SMCO4: variants seen among roughly 807,000 people sequenced by gnomAD.
SMCO4 encodes single-pass membrane protein with coiled-coil domains 4, also known as single-pass membrane and coiled-coil domain-containing protein 4.
In SMCO4, 4 loss-of-function variants were observed where a neutral mutation model predicts 3.6. That is an observed-to-expected ratio of 1.11 (90% CI 0.54 to 2.53). The LOEUF (loss-of-function observed/expected upper bound fraction) is 2.53. Among genes scored for constraint, SMCO4 ranks in the 30% most tolerant of loss-of-function variants. The pLI is 0.02. For synonymous variants in SMCO4, 36 were observed against 35.3 expected, an observed-to-expected ratio of 1.02 and a Z score of -0.07; for missense variants, 70 against 80.8, an observed-to-expected ratio of 0.87 and a Z score of 0.51.
In SMCO4 at chr11:93,479,080, G is replaced by A. The variant is rs764757111; in HGVS notation, c.110C>T (p.Thr37Met). ...GATCAAGAGCACGACCACGGCCAGC[G>A]TGGGCAGCACCACTGTAGTGATCTG... Reference protein sequence around the residue: ...RQQITTVVLPTLAVVVLLIVV... With the variant: ...RQQITTVVLPMLAVVVLLIVV... Residue 37 changes from threonine to methionine, a missense_variant, in exon 3 of 3, where the codon ACG (threonine) becomes ATG (methionine). Coordinates refer to ENST00000298966, the MANE Select transcript of SMCO4 (RefSeq NM_020179.3). The A allele has an allele frequency of 8.7e-6, 14 of 1,614,018 alleles. No individual in the cohort carries two copies. The highest frequency in any genetic ancestry group is 3.3e-5 in the South Asian group (3 of 91,088).
chr11:93,525,535 C>A (rs985167511), intron 1 of SMCO4, among the ~76,000 whole-genome samples: 2 of 152,110 alleles, frequency 1.3e-5, no homozygotes, highest in Non-Finnish European at 2.9e-5. Context: ...CCACTCCCCC[C>A]ATTCCTAAAG....
intron 1 of SMCO4, among the ~76,000 whole-genome samples, chr11:93,511,913 T>G (rs540792356): frequency 6.4e-4 from 97 of 152,332 alleles, no homozygotes; most frequent in African/African-American, 2.1e-3. Flanking sequence ...TTTGTAAACA[T>G]GACCACCCTC....
intron 2 of SMCO4, among the ~76,000 whole-genome samples, chr11:93,495,637 T>C (rs1390532875): frequency 6.6e-6 from 1 of 152,178 alleles, no homozygotes; most frequent in Non-Finnish European, 1.5e-5. Context: ...TGAGCTAAAA[T>C]GCTGTTGCAC....
chr11:93,507,710 G>A (rs1325164463), intron 1 of SMCO4, among the ~76,000 whole-genome samples: 3 of 152,050 alleles, frequency 2.0e-5, no homozygotes, highest in Non-Finnish European at 2.9e-5. Flanking sequence ...TTTACACCTG[G>A]GTCAAGTTCT....
At chr11:93,534,516 C>G (rs1391663798) in intron 1 of SMCO4, among the ~76,000 whole-genome samples, 1 of 152,096 alleles carries the variant, frequency 6.6e-6, no homozygotes, top group Non-Finnish European at 1.5e-5. Flanking sequence ...CACAACAACC[C>G]TGTGAGGCAG....
intron 2 of SMCO4, among the ~76,000 whole-genome samples, chr11:93,492,801 C>T (rs1322257307): frequency 6.6e-6 from 1 of 152,182 alleles, no homozygotes; most frequent in African/African-American, 2.4e-5. Context: ...CTGAGACGGC[C>T]GGTCCAAAAG....
At chr11:93,524,152 C>A (rs577893947) in intron 1 of SMCO4, among the ~76,000 whole-genome samples, 1 of 152,248 alleles carries the variant, frequency 6.6e-6, no homozygotes, top group African/African-American at 2.4e-5. Context: ...GGTGATCTCA[C>A]ATACACTATC....
chr11:93,542,987 C>G (rs1158715509), intron 1 of SMCO4, among the ~76,000 whole-genome samples: 1 of 151,892 alleles, frequency 6.6e-6, no homozygotes, highest in Non-Finnish European at 1.5e-5. Flanking sequence ...TCCGCCCCAA[C>G]TTTTCCCAGC....
intron 1 of SMCO4, among the ~76,000 whole-genome samples, chr11:93,509,007 C>A (rs185365360): frequency 6.6e-6 from 1 of 152,022 alleles, no homozygotes; most frequent in Non-Finnish European, 1.5e-5. Flanking sequence ...AAATTGCTCA[C>A]GGCCAGGTGC....
intron 2 of SMCO4, among the ~76,000 whole-genome samples, chr11:93,486,420 G>C (rs761556047): frequency 2.6e-5 from 4 of 152,214 alleles, no homozygotes; most frequent in Non-Finnish European, 5.9e-5. Context: ...TGAGGACACA[G>C]GGAAGGTTGT....
At chr11:93,508,394 A>C (rs1250789914) in intron 1 of SMCO4, among the ~76,000 whole-genome samples, 7 of 152,228 alleles carry the variant, frequency 4.6e-5, no homozygotes, top group Admixed American at 4.6e-4. Context: ...TCTGAAAACA[A>C]GTAAGTATGA....
chr11:93,485,302 T>G (rs148270073), intron 2 of SMCO4, among the ~76,000 whole-genome samples: 11 of 152,284 alleles, frequency 7.2e-5, no homozygotes, highest in Non-Finnish European at 1.0e-4. Context: ...CCCAGCCCCA[T>G]TCATTCTTTC....
At chr11:93,497,430 A>G (rs1948787493) in intron 2 of SMCO4, among the ~76,000 whole-genome samples, 1 of 152,366 alleles carries the variant, frequency 6.6e-6, no homozygotes, top group Admixed American at 6.5e-5. Flanking sequence ...TATTTAAATT[A>G]GCCTTAACAA....
intron 1 of SMCO4, among the ~76,000 whole-genome samples, chr11:93,531,329 T>G (rs970090279): frequency 6.6e-6 from 1 of 152,102 alleles, no homozygotes. Flanking sequence ...GCCTGCTGGC[T>G]TTTGGACTAG....
intron 1 of SMCO4, among the ~76,000 whole-genome samples, chr11:93,517,658 G>A (rs1949020102): frequency 6.6e-6 from 1 of 152,136 alleles, no homozygotes; most frequent in African/African-American, 2.4e-5. Flanking sequence ...AGTGTACCAA[G>A]CATTTTATAT....
intron 1 of SMCO4, among the ~76,000 whole-genome samples, chr11:93,509,110 T>C (rs2134607550): frequency 6.6e-6 from 1 of 151,334 alleles, no homozygotes; most frequent in Non-Finnish European, 1.5e-5. Context: ...GGCAACATGG[T>C]GAAACCCTGT....
chr11:93,490,649 G>A (rs1460597385), intron 2 of SMCO4, among the ~76,000 whole-genome samples: 1 of 152,180 alleles, frequency 6.6e-6, no homozygotes, highest in Admixed American at 6.5e-5. Context: ...TGGTTAAATC[G>A]CAATGGTTAA....
chr11:93,496,325 G>C (rs1450858695), intron 2 of SMCO4, among the ~76,000 whole-genome samples: 3 of 152,050 alleles, frequency 2.0e-5, no homozygotes, highest in African/African-American at 7.2e-5. Context: ...TTGGTGATTT[G>C]GGGGAAGAAA....
chr11:93,525,679 G>A (rs1005696297), intron 1 of SMCO4, among the ~76,000 whole-genome samples: 3 of 152,138 alleles, frequency 2.0e-5, no homozygotes, highest in East Asian at 1.9e-4. Flanking sequence ...GGGCAAACGC[G>A]ACCAACAGGA....
Sources: gnomAD v4.1 joint callset for allele counts (sites outside exome capture counted in the v4.1 genomes callset) on GRCh38, gnomAD v4.1.1 for gene constraint, MANE v1.5 for transcripts, NCBI Gene and HGNC (gene_info 2026-07-23, HGNC 2026-07-21) for gene names.